SLC9A2: variants seen among roughly 807,000 people sequenced by gnomAD.
SLC9A2 encodes sodium/hydrogen exchanger 2.
SLC9A2 carries 42 observed loss-of-function variants against 71.7 expected under a neutral mutation model. The observed-to-expected ratio is 0.59, with a 90% confidence interval of 0.46 to 0.76. The LOEUF (loss-of-function observed/expected upper bound fraction) is 0.76. Ranked by LOEUF, SLC9A2 falls within the 30% of genes least tolerant of loss-of-function variation. SLC9A2 has a pLI of 0.00. For synonymous variants in SLC9A2, 396 were observed against 392.5 expected (o/e 1.01, Z -0.10); for missense variants, 829 against 1,017.4 (o/e 0.81, Z 2.52).
chr2:102,693,991 TAGAG>T (rs1243349435), intron 5 of SLC9A2, among the ~76,000 whole-genome samples: 7 of 152,170 alleles, frequency 4.6e-5, no homozygotes, highest in East Asian at 1.9e-4. Context: ...ATTATTTTGA[TAGAG>T]AGGGTGTTTC....
At chr2:102,695,785 T>A (rs1274381401) in intron 7 of SLC9A2, among the ~76,000 whole-genome samples, 2 of 44,168 alleles carry the variant, frequency 4.5e-5, no homozygotes, top group Admixed American at 2.5e-4. Context: ...ATATTATATA[T>A]ATATTATATA....
At chr2:102,700,073 T>A (rs1263332990) in intron 7 of SLC9A2, among the ~76,000 whole-genome samples, 1 of 152,056 alleles carries the variant, frequency 6.6e-6, no homozygotes, top group African/African-American at 2.4e-5. Context: ...ACATAGAACA[T>A]GAGAAAAGTA....
intron 1 of SLC9A2, among the ~76,000 whole-genome samples, chr2:102,650,112 A>G (rs575941930): frequency 6.6e-6 from 1 of 152,382 alleles, no homozygotes; most frequent in East Asian, 1.9e-4. Flanking sequence ...AATGTGGCAC[A>G]TATACACCAT....
intron 3 of SLC9A2, among the ~76,000 whole-genome samples, chr2:102,666,488 C>G (rs556176721): frequency 2.0e-5 from 3 of 152,142 alleles, no homozygotes; most frequent in Non-Finnish European, 2.9e-5. Flanking sequence ...TGAGCCACCG[C>G]GCCCAGCCGG....
intron 1 of SLC9A2, among the ~76,000 whole-genome samples, chr2:102,634,307 T>C (rs1303961552): frequency 6.6e-6 from 1 of 152,246 alleles, no homozygotes; most frequent in Non-Finnish European, 1.5e-5. Flanking sequence ...GATATACTTT[T>C]AGTGGTAACT....
In SLC9A2 at chr2:102,683,485, A is replaced by G. The variant is rs762777249; in HGVS notation, c.1222+7A>G. ...CTCATGTGGCGAGCCCTGGGTAATG[A>G]GTGCTTGTTTGCTAACTGGACATAT... On this transcript the variant is annotated splice_region_variant and intron_variant, in intron 4 of 11. Coordinates refer to ENST00000233969, the MANE Select transcript of SLC9A2 (RefSeq NM_003048.6). 6.2e-7 allele frequency: 1 copy of G among 1,611,280 alleles called. No homozygotes were observed. Among genetic ancestry groups the G allele is most frequent in the Non-Finnish European group, 8.5e-7 (1 of 1,177,484 alleles).
At chr2:102,701,340 C>A (rs548486268) in intron 8 of SLC9A2, 109 bp downstream of exon 8, 3 of 838,698 alleles carry the variant, frequency 3.6e-6, no homozygotes, top group African/African-American at 1.8e-5. Context: ...GATCCGCCCC[C>A]CTCGGCCTCC....
intron 3 of SLC9A2, among the ~76,000 whole-genome samples, chr2:102,669,087 C>T (rs759507695): frequency 7.2e-5 from 11 of 152,132 alleles, no homozygotes; most frequent in Non-Finnish European, 1.5e-4. Context: ...AAGCAGTGCA[C>T]CTCGGGTGTT....
chr2:102,696,107 C>A (rs1677764037), intron 7 of SLC9A2, among the ~76,000 whole-genome samples: 1 of 151,948 alleles, frequency 6.6e-6, no homozygotes. Flanking sequence ...CCCCCACTTG[C>A]TAGTGGGAGC....
In SLC9A2 at chr2:102,619,661, A is replaced by C. The variant is rs1428763519; in HGVS notation, c.-188A>C. The C allele has an allele frequency of 2.1e-6, 1 of 474,834 alleles. No homozygotes were observed. The highest frequency in any genetic ancestry group is 3.6e-6 in the Non-Finnish European group (1 of 278,034). The allele number at this position is 474,834 out of a possible 1,614,324, so 29.4% of individuals were successfully genotyped here. On this transcript the variant is annotated 5_prime_UTR_variant, in exon 1 of 12. Transcript: ENST00000233969. The surrounding 1 kb of genome is among the most constrained non-coding windows in gnomAD (Gnocchi z 4.3). ...TCGCCCTGCACGTGCCTCGCCAGGC[A>C]GTGCGCCTGCTCGCAGCGAGGACCT...
At chr2:102,691,236 T>C (rs532800500) in intron 5 of SLC9A2, among the ~76,000 whole-genome samples, 55 of 152,332 alleles carry the variant, frequency 3.6e-4, no homozygotes, top group African/African-American at 1.3e-3. Flanking sequence ...GGTGAAAATT[T>C]AACTTGTATT....
intron 3 of SLC9A2, among the ~76,000 whole-genome samples, chr2:102,669,761 T>C (rs11681458): frequency 6.6e-6 from 1 of 152,156 alleles, no homozygotes. Flanking sequence ...ACACTAACAG[T>C]TGGATAAATT....
At chr2:102,671,293 T>C (rs1184373358) in intron 3 of SLC9A2, among the ~76,000 whole-genome samples, 1 of 152,214 alleles carries the variant, frequency 6.6e-6, no homozygotes, top group African/African-American at 2.4e-5. Context: ...CTTTCACTGA[T>C]AGCTCTGACT....
intron 11 of SLC9A2, among the ~76,000 whole-genome samples, chr2:102,707,663 G>T (rs1678008057): frequency 6.6e-6 from 1 of 152,190 alleles, no homozygotes; most frequent in African/African-American, 2.4e-5. Context: ...CATAGCAGGT[G>T]ATTATCAGAC....
intron 1 of SLC9A2, among the ~76,000 whole-genome samples, chr2:102,620,380 A>G (rs1177304069): frequency 6.6e-6 from 1 of 152,190 alleles, no homozygotes; most frequent in Non-Finnish European, 1.5e-5. Flanking sequence ...AAACTCAGCG[A>G]TTGCTGCTTA....
intron 7 of SLC9A2, among the ~76,000 whole-genome samples, chr2:102,698,526 T>C (rs10177397): frequency 6.6e-6 from 1 of 152,094 alleles, no homozygotes; most frequent in Non-Finnish European, 1.5e-5. Context: ...AGTGCATGAG[T>C]CAAGAGGCTG....
Position 102,707,973 on chromosome 2 carries a change from C to T in SLC9A2, c.2069-146C>T, listed in dbSNP as rs184442153. On this transcript the variant is annotated intron_variant, in intron 11 of 11. Transcript: ENST00000233969. ...GTTATGTAAGATGCACAAGGCCACT[C>T]ACCTAAAATTAGCATAAGCCTGCTA... The T allele has an allele frequency of 5.0e-6, 4 of 796,512 alleles. No homozygotes were observed. The African/African-American group carries it at 6.9e-5, about 14-fold the overall frequency. The allele number at this position is 796,512 out of a possible 1,614,324, so 49.3% of individuals were successfully genotyped here. A position where few individuals can be genotyped will look rare whatever the true frequency, so the allele number is the denominator to read the frequency against.
At position 102,702,998 on chromosome 2, in the gene SLC9A2, T is replaced by C. The variant is rs146658697; in HGVS notation, c.1845+496T>C. On this transcript the variant is annotated intron_variant, in intron 9 of 11. Transcript: ENST00000233969. ...CCCCATTTCAGTGTGTTGCATGCAT[T>C]AACTCATTTAATCCTCCAGTGAGTG... Among the ~76,000 whole-genome samples the C allele has an allele frequency of 1.4e-3, 214 of 152,246 alleles. 2 individuals are homozygous for C. The highest frequency in any genetic ancestry group is 4.9e-3 in the African/African-American group (205 of 41,538).
At chr2:102,704,176 C>G (rs1320153461) in intron 9 of SLC9A2, among the ~76,000 whole-genome samples, 2 of 152,100 alleles carry the variant, frequency 1.3e-5, no homozygotes, top group African/African-American at 4.8e-5. Context: ...AAAGGATGAA[C>G]TATGTGGCAC....
Sources: allele counts gnomAD v4.1 joint callset (sites outside exome capture counted in the v4.1 genomes callset), GRCh38; gene constraint gnomAD v4.1.1; non-coding constraint Gnocchi (gnomAD v3.1); transcripts MANE v1.5; gene names NCBI Gene and HGNC (gene_info 2026-07-23, HGNC 2026-07-21).